The following HERC1 variants were observed in gnomAD, a reference collection of about 807,000 sequenced individuals.
HERC1 encodes probable E3 ubiquitin-protein ligase HERC1.
Under a neutral mutation model 554.3 loss-of-function variants are expected in HERC1, and 160 were observed. The ratio of observed to expected loss-of-function variants is 0.29; its 90% confidence interval spans 0.25 to 0.33. The LOEUF (loss-of-function observed/expected upper bound fraction) is 0.33, where lower values mean the gene tolerates loss of function less well. Ranked by LOEUF, HERC1 falls within the 10% of genes least tolerant of loss-of-function variation. The pLI is 1.00. For synonymous variants in HERC1, 2,175 were observed against 2,131.7 expected (o/e 1.02, Z -0.56); for missense variants, 4,919 against 5,918.5 (o/e 0.83, Z 5.54).
At chr15:63,719,525 G>C (rs980111493) in intron 19 of HERC1, among the ~76,000 whole-genome samples, 4 of 152,260 alleles carry the variant, frequency 2.6e-5, no homozygotes, top group African/African-American at 9.6e-5. Context: ...AGAAGGCTTT[G>C]AACAGAGATA....
At chr15:63,651,934 G>A (rs1011702943) in intron 52 of HERC1, among the ~76,000 whole-genome samples, 1 of 152,188 alleles carries the variant, frequency 6.6e-6, no homozygotes, top group African/African-American at 2.4e-5. Flanking sequence ...TTCTTGGGAA[G>A]AGAAGGCAGC....
Position 63,716,306 on chromosome 15 carries a change from A to G in HERC1, c.4146T>C (p.Ala1382=). 1.9e-6 allele frequency: 3 copies of G among 1,612,924 alleles called. No homozygotes were observed. Among genetic ancestry groups the G allele is most frequent in the Non-Finnish European group, 2.5e-6 (3 of 1,179,454 alleles). ...EEEREHEVMT[A]GKIFQCFLSA... The stretch of plus-strand genomic sequence containing the variant: ...AAGTAAGAAGGGTATACTCACTGCC[A>G]GCTGTCATCACTTCATGTTCCCGTT... The change falls in exon 22 of 78, where the codon GCT becomes GCC. Residue 1382 remains alanine, a synonymous_variant. Transcript: ENST00000443617.
chr15:63,822,974 G>C (rs1042184746), intron 1 of HERC1, among the ~76,000 whole-genome samples: 2 of 152,146 alleles, frequency 1.3e-5, no homozygotes, highest in African/African-American at 2.4e-5. Context: ...AGATTCAGAG[G>C]AAATAATGAG....
intron 12 of HERC1, among the ~76,000 whole-genome samples, chr15:63,738,494 G>C (rs2141254498): frequency 6.6e-6 from 1 of 152,204 alleles, no homozygotes; most frequent in South Asian, 2.1e-4. Context: ...AGGTGGGTGA[G>C]AGACATATGA....
chr15:63,766,241 CTAATT>C (rs1403912392), intron 2 of HERC1, among the ~76,000 whole-genome samples: 1 of 147,000 alleles, frequency 6.8e-6, no homozygotes, highest in Non-Finnish European at 1.5e-5. Context: ...TTGATTAATA[CTAATT>C]TATTTATGTT....
At chr15:63,613,458 A>C (rs1226010627) in intron 76 of HERC1, among the ~76,000 whole-genome samples, 1 of 152,136 alleles carries the variant, frequency 6.6e-6, no homozygotes, top group Non-Finnish European at 1.5e-5. Context: ...TTGTTTCATA[A>C]ATACTTCTTT....
intron 24 of HERC1, among the ~76,000 whole-genome samples, chr15:63,707,631 G>A (rs1014703395): frequency 6.6e-6 from 1 of 151,970 alleles, no homozygotes; most frequent in Non-Finnish European, 1.5e-5. Flanking sequence ...AAGAAGGCCC[G>A]GAAGTGACAA....
chr15:63,675,331 C>T (rs774273700), intron 37 of HERC1, among the ~76,000 whole-genome samples: 3 of 152,156 alleles, frequency 2.0e-5, no homozygotes, highest in Admixed American at 6.5e-5. Context: ...CAATGAGATG[C>T]TTTCAAATAA....
At position 63,674,573 on chromosome 15, in the gene HERC1, C is replaced by T. The variant is rs200745033; in HGVS notation, c.7615G>A (p.Ala2539Thr). Reference protein sequence around the residue: ...AELLLIPKVLAENGHNSDCAS... With the variant: ...AELLLIPKVLTENGHNSDCAS... ...CAGTCTGAGTTGTGGCCATTTTCAGCCAGAACTTTTGGTATCAGCAACAGC... is the reference window on the plus strand; with the variant it reads ...CAGTCTGAGTTGTGGCCATTTTCAGTCAGAACTTTTGGTATCAGCAACAGC... The change falls in exon 38 of 78, where the codon GCT becomes ACT. Residue 2539 changes from alanine to threonine, a missense_variant. Around this residue, in one of 11 missense-constraint regions of HERC1, gnomAD observed 1,963 missense variants for 2,228.6 expected, o/e 0.88. Transcript: ENST00000443617. The T allele has an allele frequency of 3.3e-4, 538 of 1,612,400 alleles. 2 individuals are homozygous for T. The highest frequency in any genetic ancestry group is 6.2e-4 in the South Asian group (56 of 90,830).
intron 42 of HERC1, 120 bp from the exon 43 acceptor site, chr15:63,664,714 T>C (rs2152942321): frequency 9.2e-6 from 8 of 871,346 alleles, no homozygotes; most frequent in Admixed American, 3.0e-5. Flanking sequence ...ATGTTTATGA[T>C]AAAATTTGAA....
intron 25 of HERC1, among the ~76,000 whole-genome samples, chr15:63,706,440 T>A (rs534639770): frequency 6.6e-6 from 1 of 152,290 alleles, no homozygotes; most frequent in South Asian, 2.1e-4. Context: ...ATGGAAAATT[T>A]TGTAAATAAC....
intron 36 of HERC1, among the ~76,000 whole-genome samples, chr15:63,678,942 T>C (rs1478036551): frequency 6.6e-6 from 1 of 152,238 alleles, no homozygotes; most frequent in Admixed American, 6.5e-5. Flanking sequence ...TCTCCTACAG[T>C]TATTTTAAAG....
intron 74 of HERC1, among the ~76,000 whole-genome samples, chr15:63,620,886 T>C (rs945950185): frequency 3.3e-5 from 5 of 152,238 alleles, no homozygotes; most frequent in African/African-American, 9.7e-5. Context: ...CCTATATGTG[T>C]CTCTGCATGT....
chr15:63,780,965 A>C (rs898661594), intron 1 of HERC1, among the ~76,000 whole-genome samples: 4 of 152,244 alleles, frequency 2.6e-5, no homozygotes, highest in Non-Finnish European at 5.9e-5. Context: ...TTTTAAATGT[A>C]TATCCTAAGT....
At chr15:63,610,796 T>C (rs2067551327) in intron 77 of HERC1, among the ~76,000 whole-genome samples, 1 of 152,202 alleles carries the variant, frequency 6.6e-6, no homozygotes, top group Non-Finnish European at 1.5e-5. Context: ...CTTACTGTTT[T>C]CTGAACAAAC....
At chr15:63,783,511 T>C (rs1280404469) in intron 1 of HERC1, among the ~76,000 whole-genome samples, 2 of 151,858 alleles carry the variant, frequency 1.3e-5, no homozygotes, top group East Asian at 3.8e-4. Flanking sequence ...ATAACCTTTA[T>C]ATACACTGAG....
At chr15:63,785,379 C>G (rs1474604284) in intron 1 of HERC1, among the ~76,000 whole-genome samples, 1 of 152,124 alleles carries the variant, frequency 6.6e-6, no homozygotes, top group Non-Finnish European at 1.5e-5. Flanking sequence ...AAGTGCACCA[C>G]TGCACTCCAG....
At chr15:63,664,363 G>C in intron 43 of HERC1, 107 bp downstream of exon 43, 1 of 927,264 alleles carries the variant, frequency 1.1e-6, no homozygotes, top group South Asian at 1.8e-5. Flanking sequence ...TTAATGTGGA[G>C]GGACTGAGCA....
In HERC1 at chr15:63,784,570, T is replaced by C. The variant is rs115867188; in HGVS notation, c.-26-8921A>G. Among the ~76,000 whole-genome samples the C allele has an allele frequency of 2.6e-3, 388 of 151,850 alleles. 2 individuals are homozygous for C. The highest frequency in any genetic ancestry group is 8.7e-3 in the African/African-American group (358 of 41,344). Reference sequence around the variant, plus strand: ...GATATTTGCTCTTCACTGCATAAATTTGAATTTCTTATATATGCATGTATT... The same window carrying C: ...GATATTTGCTCTTCACTGCATAAATCTGAATTTCTTATATATGCATGTATT... On this transcript the variant is annotated intron_variant, in intron 1 of 77. Coordinates refer to ENST00000443617, the MANE Select transcript of HERC1 (RefSeq NM_003922.4).
Sources: gnomAD v4.1 joint callset for allele counts (sites outside exome capture counted in the v4.1 genomes callset) on GRCh38, gnomAD v4.1.1 for gene constraint, gnomAD v4.1.1 regional missense constraint, MANE v1.5 for transcripts, NCBI Gene and HGNC (gene_info 2026-07-23, HGNC 2026-07-21) for gene names.